GALNTL6: variants seen among roughly 807,000 people sequenced by gnomAD.
The protein encoded by GALNTL6 is polypeptide N-acetylgalactosaminyltransferase like 6.
A neutral mutation model predicts 73.7 loss-of-function variants in GALNTL6; 46 were observed. The observed-to-expected ratio is 0.62, with a 90% CI of 0.49 to 0.80. The LOEUF is 0.80. GALNTL6 is among the 30% of genes least tolerant of loss of function. The pLI is 0.00. For missense variants in GALNTL6, 604 were observed against 755.0 expected (o/e 0.80, Z 2.34); for synonymous variants, 259 against 263.7 (o/e 0.98, Z 0.17).
chr4:172,896,816 C>A (rs1219241056), intron 8 of GALNTL6, among the ~76,000 whole-genome samples: 1 of 152,152 alleles, frequency 6.6e-6, no homozygotes, highest in Non-Finnish European at 1.5e-5. Context: ...ACAGCAAGTT[C>A]CTGCACAGAT....
At chr4:172,533,420 G>T (rs1735238696) in intron 5 of GALNTL6, among the ~76,000 whole-genome samples, 1 of 123,476 alleles carries the variant, frequency 8.1e-6, no homozygotes, top group South Asian at 2.8e-4. Context: ...CGCCTCCCCA[G>T]TTCAAGCGAT....
chr4:171,867,604 T>C (rs1042737625), intron 2 of GALNTL6, among the ~76,000 whole-genome samples: 1 of 152,210 alleles, frequency 6.6e-6, no homozygotes, highest in African/African-American at 2.4e-5. Context: ...TATTCATCAG[T>C]GTCTCTGCAT....
chr4:172,750,878 G>A (rs1040646802), intron 5 of GALNTL6, among the ~76,000 whole-genome samples: 1 of 151,682 alleles, frequency 6.6e-6, no homozygotes, highest in African/African-American at 2.4e-5. Context: ...TTTTCTTAGG[G>A]TAAGTCTGCT....
chr4:171,991,755 T>TACAC (rs56390158), intron 2 of GALNTL6, among the ~76,000 whole-genome samples: 354 of 140,684 alleles, frequency 2.5e-3, no homozygotes, highest in South Asian at 3.8e-3. Context: ...TATATATATA[T>TACAC]ACACATATAT....
At chr4:172,740,866 A>C (rs1736763441) in intron 5 of GALNTL6, among the ~76,000 whole-genome samples, 1 of 152,114 alleles carries the variant, frequency 6.6e-6, no homozygotes, top group South Asian at 2.1e-4. Context: ...TGCTATTGGC[A>C]GTAAATGCAA....
intron 2 of GALNTL6, among the ~76,000 whole-genome samples, chr4:172,106,624 C>A (rs1732681532): frequency 6.6e-6 from 1 of 151,964 alleles, no homozygotes; most frequent in African/African-American, 2.4e-5. Context: ...TGACTGCTGA[C>A]CCTCCAAGAA....
intron 5 of GALNTL6, among the ~76,000 whole-genome samples, chr4:172,602,661 A>T (rs1738109635): frequency 6.6e-6 from 1 of 152,178 alleles, no homozygotes; most frequent in Non-Finnish European, 1.5e-5. Flanking sequence ...TTTTTCAGCC[A>T]CTTGGGGGAA....
chr4:172,646,371 C>G (rs1216208572), intron 5 of GALNTL6, among the ~76,000 whole-genome samples: 1 of 151,948 alleles, frequency 6.6e-6, no homozygotes, highest in Non-Finnish European at 1.5e-5. Flanking sequence ...GCCTTCTTTA[C>G]TTTTTCTTAG....
At chr4:172,634,146 G>T (rs908802493) in intron 5 of GALNTL6, among the ~76,000 whole-genome samples, 1 of 152,080 alleles carries the variant, frequency 6.6e-6, no homozygotes, top group African/African-American at 2.4e-5. Flanking sequence ...TTCTCAAAAA[G>T]AAGTGTCTAT....
intron 2 of GALNTL6, among the ~76,000 whole-genome samples, chr4:172,005,854 A>G (rs1740825806): frequency 6.6e-6 from 1 of 152,198 alleles, no homozygotes; most frequent in Non-Finnish European, 1.5e-5. Flanking sequence ...TTTGTAGGGA[A>G]TTAGTGGAAG....
At chr4:172,798,483 T>C (rs567411201) in intron 5 of GALNTL6, among the ~76,000 whole-genome samples, 1 of 152,368 alleles carries the variant, frequency 6.6e-6, no homozygotes, top group South Asian at 2.1e-4. Flanking sequence ...TGTGTGCACC[T>C]GCTTCACCTT....
chr4:172,858,065 T>A (rs1029283471), intron 7 of GALNTL6, among the ~76,000 whole-genome samples: 1 of 152,214 alleles, frequency 6.6e-6, no homozygotes, highest in Non-Finnish European at 1.5e-5. Context: ...TTTATGGGAA[T>A]TATTGAATAG....
At chr4:172,397,526 T>A (rs1379836588) in intron 5 of GALNTL6, among the ~76,000 whole-genome samples, 3 of 151,938 alleles carry the variant, frequency 2.0e-5, no homozygotes, top group African/African-American at 7.3e-5. Context: ...TAATAAAAAA[T>A]GGATTTAACT....
At chr4:172,346,964 T>TTTTATTTTTTTC (rs1741763336) in intron 4 of GALNTL6, among the ~76,000 whole-genome samples, 1 of 149,602 alleles carries the variant, frequency 6.7e-6, no homozygotes, top group African/African-American at 2.5e-5. Context: ...CCTATTGATT[T>TTTTATTTTTTTC]TTTTCTTTTC....
intron 2 of GALNTL6, among the ~76,000 whole-genome samples, chr4:172,206,446 G>T (rs1453759605): frequency 6.6e-6 from 1 of 152,130 alleles, no homozygotes; most frequent in African/African-American, 2.4e-5. Context: ...CTTGATGAGT[G>T]ATTGTATCTT....
chr4:172,524,641 A>G (rs540020753), intron 5 of GALNTL6, among the ~76,000 whole-genome samples: 2 of 152,294 alleles, frequency 1.3e-5, no homozygotes, highest in African/African-American at 4.8e-5. Context: ...ACATGCACAC[A>G]TTTCTTCATG....
At chr4:172,880,159 C>T (rs532659741) in intron 7 of GALNTL6, among the ~76,000 whole-genome samples, 120 of 152,006 alleles carry the variant, frequency 7.9e-4, no homozygotes, top group African/African-American at 2.8e-3. Context: ...TAGGAATATT[C>T]CCAGGAGAAA....
intron 2 of GALNTL6, among the ~76,000 whole-genome samples, chr4:172,115,529 G>A (rs1420193606): frequency 6.6e-6 from 1 of 151,970 alleles, no homozygotes; most frequent in Non-Finnish European, 1.5e-5. Flanking sequence ...CCAAAATATT[G>A]GTTTCACAAG....
intron 2 of GALNTL6, among the ~76,000 whole-genome samples, chr4:171,831,894 C>T (rs1332833835): frequency 6.6e-6 from 1 of 151,482 alleles, no homozygotes; most frequent in Non-Finnish European, 1.5e-5. Context: ...TATGTGGATA[C>T]ACTTTTAGGT....
Sources: gnomAD v4.1 joint callset for allele counts (sites outside exome capture counted in the v4.1 genomes callset) on GRCh38, gnomAD v4.1.1 for gene constraint, MANE v1.5 for transcripts, NCBI Gene and HGNC (gene_info 2026-07-23, HGNC 2026-07-21) for gene names.